The following XPR1 variants were observed in gnomAD, a reference collection of about 807,000 sequenced individuals.
XPR1 encodes the protein xenotropic and polytropic retrovirus receptor 1.
Under a neutral mutation model 87.5 loss-of-function variants are expected in XPR1, and 28 were observed. That is an observed-to-expected ratio of 0.32 (90% CI 0.24 to 0.44). The LOEUF (loss-of-function observed/expected upper bound fraction) is 0.44, where lower values mean the gene tolerates loss of function less well. XPR1 is among the 20% of genes least tolerant of loss of function. The probability of loss-of-function intolerance (pLI) is 1.00; values close to 1 mark genes in which losing one functional copy is unlikely to be tolerated. For missense variants in XPR1, 559 were observed against 862.3 expected (o/e 0.65, Z 4.41); for synonymous variants, 300 against 306.1 (o/e 0.98, Z 0.21).
At chr1:180,636,212 C>T (rs965527006) in intron 1 of XPR1, among the ~76,000 whole-genome samples, 1 of 152,118 alleles carries the variant, frequency 6.6e-6, no homozygotes, top group Non-Finnish European at 1.5e-5. Flanking sequence ...CTTCAGTTTC[C>T]CAAAGGTATT....
rs971335127 is a variant in XPR1 at position 180,682,419 on chromosome 1, G to A, written c.121+8G>A. 3.1e-6 allele frequency: 5 copies of A among 1,596,866 alleles called. No individual in the cohort carries two copies. The highest frequency in any genetic ancestry group is 4.3e-6 in the Non-Finnish European group (5 of 1,171,236). ...AGGCACCTTCTGTGGAAGGTAAGAT[G>A]AATTAACCCTTAAGTTTAGTCACAG... On this transcript the variant is annotated splice_region_variant and intron_variant, in intron 2 of 14. Transcript: ENST00000367590.
intron 1 of XPR1, among the ~76,000 whole-genome samples, chr1:180,678,670 C>A (rs1414852588): frequency 1.3e-5 from 2 of 152,078 alleles, no homozygotes; most frequent in East Asian, 3.8e-4. Flanking sequence ...AACAAAAATA[C>A]ATCAATTTAA....
At chr1:180,853,384 A>G (rs1370252595) in intron 11 of XPR1, among the ~76,000 whole-genome samples, 3 of 151,786 alleles carry the variant, frequency 2.0e-5, no homozygotes, top group Admixed American at 6.6e-5. Context: ...TTGGCTTCTA[A>G]TATTTCTATT....
At chr1:180,691,568 C>G (rs1179573664) in intron 2 of XPR1, among the ~76,000 whole-genome samples, 1 of 152,182 alleles carries the variant, frequency 6.6e-6, no homozygotes, top group Non-Finnish European at 1.5e-5. Flanking sequence ...GGCCACCACA[C>G]TAGTCTCTGT....
chr1:180,746,084 CT>C (rs1403847102), intron 2 of XPR1, among the ~76,000 whole-genome samples: 1 of 152,070 alleles, frequency 6.6e-6, no homozygotes, highest in Non-Finnish European at 1.5e-5. Context: ...TTCTGCCATA[CT>C]TTTATTTTAC....
intron 8 of XPR1, 86 bp downstream of exon 8, chr1:180,825,029 C>T: frequency 6.6e-7 from 1 of 1,508,242 alleles, no homozygotes. Context: ...TAAATCCATC[C>T]TCTACTTGAA....
intron 2 of XPR1, among the ~76,000 whole-genome samples, chr1:180,770,112 T>C (rs1648452012): frequency 6.6e-6 from 1 of 152,246 alleles, no homozygotes; most frequent in Non-Finnish European, 1.5e-5. Context: ...GTCTTTGACA[T>C]AGCCTTTTGC....
chr1:180,649,528 T>C (rs896221986), intron 1 of XPR1, among the ~76,000 whole-genome samples: 7 of 152,214 alleles, frequency 4.6e-5, no homozygotes, highest in Admixed American at 1.3e-4. Context: ...ATGCAAATGC[T>C]CTGTGTTGTG....
At chr1:180,718,837 T>G (rs1465276258) in intron 2 of XPR1, among the ~76,000 whole-genome samples, 1 of 151,876 alleles carries the variant, frequency 6.6e-6, no homozygotes, top group East Asian at 1.9e-4. Context: ...GCTGGCTAAT[T>G]TTTGTATTTT....
chr1:180,819,463 AT>A (rs1650532687), intron 7 of XPR1, among the ~76,000 whole-genome samples: 1 of 151,998 alleles, frequency 6.6e-6, no homozygotes. Context: ...AGCCTTAGAG[AT>A]TTTCTAGTTC....
chr1:180,837,985 C>T (rs907305297), intron 11 of XPR1, among the ~76,000 whole-genome samples: 9 of 152,280 alleles, frequency 5.9e-5, no homozygotes, highest in East Asian at 5.8e-4. Context: ...ATACCTTTAA[C>T]TGCAGTTGAC....
rs752548174 is a variant in XPR1, at chr1:180,882,352, TTTTG to T, written c.2031-1642_2031-1639del. Among the ~76,000 whole-genome samples, 16 of 152,226 alleles carry T rather than the reference TTTTG, an allele frequency of 1.1e-4. No individual in the cohort carries two copies. The East Asian group carries it at 1.2e-3, about 11-fold the overall frequency. On this transcript the variant is annotated intron_variant, in intron 14 of 14. Transcript: ENST00000367590. Reference sequence around the variant, plus strand: ...AGCATATCCTTAATGTGTGTGGTTTTTTTGTTTGTTTGTTTTTTTGAAACAGTAT... The same window carrying T: ...AGCATATCCTTAATGTGTGTGGTTTTTTTGTTTGTTTTTTTGAAACAGTAT...
At chr1:180,723,390 C>T (rs1479993826) in intron 2 of XPR1, among the ~76,000 whole-genome samples, 1 of 151,980 alleles carries the variant, frequency 6.6e-6, no homozygotes, top group Non-Finnish European at 1.5e-5. Flanking sequence ...ATTATTATAC[C>T]AGGGCCTTTT....
At chr1:180,767,310 A>AT (rs1488819171) in intron 2 of XPR1, among the ~76,000 whole-genome samples, 1 of 152,222 alleles carries the variant, frequency 6.6e-6, no homozygotes, top group Non-Finnish European at 1.5e-5. Context: ...CTGAGTTTAG[A>AT]TATCATAGGC....
At chr1:180,726,400 T>G (rs114198234) in intron 2 of XPR1, among the ~76,000 whole-genome samples, 1 of 152,298 alleles carries the variant, frequency 6.6e-6, no homozygotes, top group African/African-American at 2.4e-5. Context: ...TTTGGGTCCC[T>G]ACCACCTTTA....
At chr1:180,736,240 T>C (rs1458437455) in intron 2 of XPR1, among the ~76,000 whole-genome samples, 1 of 152,168 alleles carries the variant, frequency 6.6e-6, no homozygotes, top group African/African-American at 2.4e-5. Context: ...AAATAGCATG[T>C]ACCAAGATCT....
chr1:180,874,098 T>C (rs1652586746), intron 13 of XPR1, 156 bp downstream of exon 13: 2 of 925,608 alleles, frequency 2.2e-6, no homozygotes, highest in African/African-American at 1.7e-5. Context: ...GAAAACCATG[T>C]TGGCCAGGCT....
At chr1:180,722,091 C>T (rs910274669) in intron 2 of XPR1, among the ~76,000 whole-genome samples, 1 of 151,626 alleles carries the variant, frequency 6.6e-6, no homozygotes, top group African/African-American at 2.4e-5. Flanking sequence ...GGTGAAACTT[C>T]GTGTCTACAA....
chr1:180,888,201 A>G lies in XPR1; in HGVS notation c.*4135A>G, dbSNP rs1653076479. On this transcript the variant is annotated 3_prime_UTR_variant, in exon 15 of 15. Transcript: ENST00000367590. ...TGCATTATTCAGGAAATAATTATTT[A>G]TTCCCAAATGCAGTTTTCTAAGCAG... is the stretch of plus-strand genomic sequence containing the variant. The G allele has an allele frequency of 1.3e-5, 2 of 152,082 alleles. No homozygotes were observed. The highest frequency in any genetic ancestry group is 4.8e-5 in the African/African-American group (2 of 41,414). The allele number at this position is 152,082 out of a possible 1,614,324, so 9.4% of individuals were successfully genotyped here. A position where few individuals can be genotyped will look rare whatever the true frequency, so the allele number is the denominator to read the frequency against.
Sources: allele counts gnomAD v4.1 joint callset (sites outside exome capture counted in the v4.1 genomes callset), GRCh38; gene constraint gnomAD v4.1.1; transcripts MANE v1.5; gene names NCBI Gene and HGNC (gene_info 2026-07-23, HGNC 2026-07-21).